Variants in SERTAD2 observed in about 807,000 individuals in gnomAD.
SERTAD2 encodes the protein SERTA domain containing 2.
SERTAD2 carries 2 observed loss-of-function variants against 15.4 expected under a neutral mutation model. That is an observed-to-expected ratio of 0.13 (90% CI 0.05 to 0.41). The LOEUF (loss-of-function observed/expected upper bound fraction) is 0.41, where lower values mean the gene tolerates loss of function less well. SERTAD2 is among the 10% of genes least tolerant of loss of function. The pLI is 0.99. For synonymous variants in SERTAD2, 180 were observed against 178.0 expected, an observed-to-expected ratio of 1.01 and a Z score of -0.09; for missense variants, 333 against 409.7, an observed-to-expected ratio of 0.81 and a Z score of 1.62.
At chr2:64,638,996 G>C (rs1313707124) in intron 1 of SERTAD2, among the ~76,000 whole-genome samples, 1 of 152,168 alleles carries the variant, frequency 6.6e-6, no homozygotes, top group Admixed American at 6.5e-5. Context: ...AAACATAACT[G>C]TATTCACAGG....
chr2:64,632,829 C>T lies in SERTAD2; in HGVS notation c.*3098G>A, dbSNP rs963631422. The T allele has an allele frequency of 1.3e-5, 2 of 152,464 alleles. No individual in the cohort carries two copies. The highest frequency in any genetic ancestry group is 4.8e-5 in the African/African-American group (2 of 41,378). 9.4% of individuals were successfully genotyped at this position (152,464 alleles called of 1,614,324 possible). A position where few individuals can be genotyped will look rare whatever the true frequency, so the allele number is the denominator to read the frequency against. On this transcript the variant is annotated 3_prime_UTR_variant, in exon 2 of 2. Coordinates refer to ENST00000313349, the MANE Select transcript of SERTAD2 (RefSeq NM_014755.3). ...TGTTACGATCCAGATGTTAGCGCTC[C>T]ACAGTAAAATAAATATATTTACACA...
intron 1 of SERTAD2, among the ~76,000 whole-genome samples, chr2:64,645,607 AT>A (rs1674886435): frequency 6.6e-6 from 1 of 152,226 alleles, no homozygotes; most frequent in South Asian, 2.1e-4. Context: ...TAGTAAAATA[AT>A]TTTTTAAAAA....
chr2:64,652,743 A>G (rs1675039231), intron 1 of SERTAD2, among the ~76,000 whole-genome samples: 1 of 152,180 alleles, frequency 6.6e-6, no homozygotes. Context: ...TGCAAGCAAA[A>G]AGTTATTCCA....
intron 1 of SERTAD2, among the ~76,000 whole-genome samples, chr2:64,637,744 CAGACCCTGAGA>C (rs1457939944): frequency 6.6e-6 from 1 of 152,244 alleles, no homozygotes; most frequent in Non-Finnish European, 1.5e-5. Flanking sequence ...CCTCATATCT[CAGACCCTGAGA>C]ATCTGGTAAT....
In SERTAD2 at chr2:64,637,933, C is replaced by T. The variant is rs375407279; in HGVS notation, c.-4-1058G>A. ...ACTTTCCAAGATCATGTGACATCGT[C>T]ACAACCTCCTTTCAGAACTTCTACT... is the stretch of plus-strand genomic sequence containing the variant. On this transcript the variant is annotated intron_variant, in intron 1 of 1. Transcript: ENST00000313349. 2.0e-5 allele frequency among the ~76,000 whole-genome samples: 3 copies of T among 152,214 alleles called. No individual in the cohort carries two copies. In the East Asian group the frequency reaches 5.8e-4, roughly 29 times the overall value.
At chr2:64,645,251 G>A (rs1203568443) in intron 1 of SERTAD2, among the ~76,000 whole-genome samples, 1 of 152,134 alleles carries the variant, frequency 6.6e-6, no homozygotes, top group Non-Finnish European at 1.5e-5. Flanking sequence ...CCTCCTCCGG[G>A]CTCTCCCGCT....
chr2:64,631,990 C>A lies in SERTAD2; in HGVS notation c.*3937G>T, dbSNP rs1674542756. On this transcript the variant is annotated 3_prime_UTR_variant, in exon 2 of 2. Transcript: ENST00000313349. Reference sequence around the variant, plus strand: ...GGCTTTGTCTGCAATAGCATTTGATCCTGGCTAATTTTCAAGAACCATTCA... The same window carrying A: ...GGCTTTGTCTGCAATAGCATTTGATACTGGCTAATTTTCAAGAACCATTCA... 6.6e-6 allele frequency: 1 copy of A among 152,582 alleles called. No homozygotes were observed. Among genetic ancestry groups the A allele is most frequent in the African/African-American group, 2.4e-5 (1 of 41,424 alleles). The allele number at this position is 152,582 out of a possible 1,614,324, so 9.5% of individuals were successfully genotyped here.
intron 1 of SERTAD2, among the ~76,000 whole-genome samples, chr2:64,647,263 T>C (rs913805499): frequency 3.9e-5 from 6 of 152,170 alleles, no homozygotes; most frequent in Non-Finnish European, 7.3e-5. Context: ...CATTTGAAAA[T>C]TGGAAACTAT....
rs2104337845 is a variant in SERTAD2, at chr2:64,636,608, G to C, written c.264C>G (p.Pro88=). ...TGGGCTCGGTGGTGGGCTGGGAGGA[G>C]GGGGTGAACATGGGCCTCAGGCTGC... ...QEGSLRPMFT[P]SSQPTTEPSD... The change falls in exon 2 of 2, where the codon CCC becomes CCG. Residue 88 remains proline, a synonymous_variant. Coordinates refer to ENST00000313349, the MANE Select transcript of SERTAD2 (RefSeq NM_014755.3). 1 of 1,610,126 alleles carries C rather than the reference G, an allele frequency of 6.2e-7. No individual in the cohort carries two copies. Among genetic ancestry groups the C allele is most frequent in the East Asian group, 2.2e-5 (1 of 44,830 alleles).
rs1334532969 is a variant in SERTAD2 at position 64,634,594 on chromosome 2, C to T, written c.*1333G>A. On this transcript the variant is annotated 3_prime_UTR_variant, in exon 2 of 2. Transcript: ENST00000313349. ...GGCGAGCCAAGCTCACTGTGGTGAT[C>T]ACGAAGATGCCATTTTCAGCTCTTA... is the stretch of plus-strand genomic sequence containing the variant. 1.3e-5 allele frequency: 2 copies of T among 152,162 alleles called. No homozygotes were observed. Among genetic ancestry groups the T allele is most frequent in the Non-Finnish European group, 2.9e-5 (2 of 68,048 alleles). 9.4% of individuals were successfully genotyped at this position (152,162 alleles called of 1,614,324 possible).
Position 64,649,531 on chromosome 2 carries a change from A to G in SERTAD2, c.-5+4089T>C, listed in dbSNP as rs527915308. ...CCCTTCCCCTTTACTATTCTATGGGAAAGTCCTTAGAGAATGCTTAGCTTC... is the reference window on the plus strand; with the variant it reads ...CCCTTCCCCTTTACTATTCTATGGGGAAGTCCTTAGAGAATGCTTAGCTTC... On this transcript the variant is annotated intron_variant, in intron 1 of 1. Transcript: ENST00000313349. Among the ~76,000 whole-genome samples, 610 of 152,332 alleles carry G rather than the reference A, an allele frequency of 4.0e-3. 4 individuals carry two copies. Among genetic ancestry groups the G allele is most frequent in the Non-Finnish European group, 5.3e-3 (358 of 68,032 alleles).
chr2:64,639,800 A>G (rs1352145830), intron 1 of SERTAD2, among the ~76,000 whole-genome samples: 1 of 152,256 alleles, frequency 6.6e-6, no homozygotes, highest in Admixed American at 6.5e-5. Context: ...TATTTTCAGA[A>G]GGATTTCAAT....
In SERTAD2 at chr2:64,636,146, G is replaced by C. The variant is rs562134659; in HGVS notation, c.726C>G (p.Thr242=). The change falls in exon 2 of 2, where the codon ACC becomes ACG. Residue 242 remains threonine (T), a synonymous_variant. Transcript: ENST00000313349. ...TTSTGFLTDL[T]LDDILFADID... Reference sequence around the variant, plus strand: ...TGTCAGCAAACAGGATGTCATCCAGGGTCAAGTCTGTCAGGAAACCCGTGG... The same window carrying C: ...TGTCAGCAAACAGGATGTCATCCAGCGTCAAGTCTGTCAGGAAACCCGTGG... 1 of 1,614,130 alleles carries C rather than the reference G, an allele frequency of 6.2e-7. No homozygotes were observed. Among genetic ancestry groups the C allele is most frequent in the South Asian group, 1.1e-5 (1 of 91,070 alleles).
intron 1 of SERTAD2, among the ~76,000 whole-genome samples, chr2:64,641,684 T>C (rs909782520): frequency 2.0e-5 from 3 of 152,096 alleles, no homozygotes; most frequent in African/African-American, 7.2e-5. Context: ...GAACTGTGTC[T>C]GGGAGGGAGG....
chr2:64,645,252 C>T (rs1482588557), intron 1 of SERTAD2, among the ~76,000 whole-genome samples: 1 of 152,208 alleles, frequency 6.6e-6, no homozygotes, highest in Admixed American at 6.5e-5. Flanking sequence ...CTCCTCCGGG[C>T]TCTCCCGCTG....
intron 1 of SERTAD2, among the ~76,000 whole-genome samples, chr2:64,651,772 C>T (rs1440969551): frequency 3.3e-5 from 5 of 152,192 alleles, no homozygotes; most frequent in Non-Finnish European, 7.3e-5. Flanking sequence ...CTGTGACATT[C>T]GCCTGACAAT....
chr2:64,651,595 T>A (rs948477003), intron 1 of SERTAD2, among the ~76,000 whole-genome samples: 1 of 152,212 alleles, frequency 6.6e-6, no homozygotes, highest in Non-Finnish European at 1.5e-5. Context: ...AATAATTCAG[T>A]GTGTAGCAAC....
rs951279392 is a variant in SERTAD2 at position 64,634,253 on chromosome 2, T to G, written c.*1674A>C. ...GTACCATTGGAAGAAAAGAAAAAACTGAAACAAGAAGGCCATAAACAGTTT... is the reference window on the plus strand; with the variant it reads ...GTACCATTGGAAGAAAAGAAAAAACGGAAACAAGAAGGCCATAAACAGTTT... On this transcript the variant is annotated 3_prime_UTR_variant, in exon 2 of 2. Coordinates refer to ENST00000313349, the MANE Select transcript of SERTAD2 (RefSeq NM_014755.3). 1.3e-5 allele frequency: 2 copies of G among 152,112 alleles called. No individual in the cohort carries two copies. The highest frequency in any genetic ancestry group is 4.8e-5 in the African/African-American group (2 of 41,490). 9.4% of individuals were successfully genotyped at this position (152,112 alleles called of 1,614,324 possible).
In SERTAD2 at chr2:64,645,349, G is replaced by A. The variant is rs181592019; in HGVS notation, c.-5+8271C>T. ...CCCTGCATTTGACGAAGACCTGCAG[G>A]AGCAATCCTCCCGGCTTTCTTGACA... On this transcript the variant is annotated intron_variant, in intron 1 of 1. Coordinates refer to ENST00000313349, the MANE Select transcript of SERTAD2 (RefSeq NM_014755.3). Among the ~76,000 whole-genome samples the A allele has an allele frequency of 2.8e-3, 430 of 151,754 alleles. 2 individuals are homozygous for A. Among genetic ancestry groups the A allele is most frequent in the African/African-American group, 9.8e-3 (405 of 41,398 alleles).
Sources: gnomAD v4.1 joint callset for allele counts (sites outside exome capture counted in the v4.1 genomes callset) on GRCh38, gnomAD v4.1.1 for gene constraint, MANE v1.5 for transcripts, NCBI Gene and HGNC (gene_info 2026-07-23, HGNC 2026-07-21) for gene names.